The following IL18R1 variants were observed in gnomAD, a reference collection of about 807,000 sequenced individuals.
The protein encoded by IL18R1 is interleukin 18 receptor 1.
IL18R1 carries 40 observed loss-of-function variants against 48.5 expected under a neutral mutation model. The observed-to-expected ratio is 0.82, with a 90% confidence interval of 0.64 to 1.07. IL18R1 has a LOEUF of 1.07. Ranked by LOEUF, IL18R1 falls within the 50% of genes least tolerant of loss-of-function variation. The pLI is 0.00. For synonymous variants in IL18R1, 232 were observed against 225.9 expected (o/e 1.03, Z -0.24); for missense variants, 596 against 633.7 (o/e 0.94, Z 0.64).
At position 102,398,757 on chromosome 2, in the gene IL18R1, A is replaced by C. The variant is rs781197585; in HGVS notation, c.*1871A>C. On this transcript the variant is annotated 3_prime_UTR_variant, in exon 11 of 11. Transcript: ENST00000233957. ...TTTTAAAATGCATAAAACACGTTGA[A>C]ATACATTAATGAACCATTAGTCTAA... 3.3e-5 allele frequency: 5 copies of C among 152,370 alleles called. No individual in the cohort carries two copies. The highest frequency in any genetic ancestry group is 6.5e-5 in the Admixed American group (1 of 15,284). 9.4% of individuals were successfully genotyped at this position (152,370 alleles called of 1,614,324 possible). A position where few individuals can be genotyped will look rare whatever the true frequency, so the allele number is the denominator to read the frequency against.
At chr2:102,393,386 G>A (rs1025289390) in intron 9 of IL18R1, among the ~76,000 whole-genome samples, 6 of 152,180 alleles carry the variant, frequency 3.9e-5, no homozygotes, top group African/African-American at 1.4e-4. Flanking sequence ...ATGCAATTCT[G>A]CAAAGCAATT....
At chr2:102,387,936 A>G (rs1050040498) in intron 8 of IL18R1, among the ~76,000 whole-genome samples, 3 of 152,136 alleles carry the variant, frequency 2.0e-5, no homozygotes, top group Admixed American at 1.3e-4. Context: ...AGGGAGAGAC[A>G]CAGAGACAGA....
At chr2:102,377,582 C>T (rs544133390) in intron 5 of IL18R1, among the ~76,000 whole-genome samples, 3 of 152,368 alleles carry the variant, frequency 2.0e-5, no homozygotes, top group African/African-American at 7.2e-5. Context: ...TCCCAAAGTA[C>T]TGGGATTACA....
At chr2:102,392,385 A>T (rs917011322) in intron 9 of IL18R1, among the ~76,000 whole-genome samples, 3 of 152,106 alleles carry the variant, frequency 2.0e-5, no homozygotes, top group African/African-American at 7.2e-5. Flanking sequence ...TCTCTTTCTG[A>T]CTTTCTGGAG....
intron 6 of IL18R1, 23 bp from the exon 7 acceptor site, chr2:102,384,855 C>T (rs1349340620): frequency 3.1e-6 from 5 of 1,605,298 alleles, no homozygotes; most frequent in Non-Finnish European, 4.3e-6. Context: ...AAAATCAGAA[C>T]TTTAGTTGCC....
intron 8 of IL18R1, among the ~76,000 whole-genome samples, chr2:102,388,508 A>G (rs1344039538): frequency 3.3e-5 from 5 of 152,204 alleles, no homozygotes; most frequent in African/African-American, 1.2e-4. Context: ...TGGGGCTCAA[A>G]TCTTTGTTGG....
chr2:102,390,257 C>T (rs1680488563), intron 9 of IL18R1, 40 bp downstream of exon 9: 3 of 1,560,034 alleles, frequency 1.9e-6, no homozygotes, highest in African/African-American at 1.4e-5. Flanking sequence ...CTTATGTTCT[C>T]ATTAAGAAAT....
rs188794682 is a variant in IL18R1, at chr2:102,368,596, G to A, written c.302+528G>A. Among the ~76,000 whole-genome samples the A allele has an allele frequency of 4.9e-4, 75 of 152,240 alleles. 1 individual carries two copies. Among genetic ancestry groups the A allele is most frequent in the Admixed American group, 4.6e-3 (71 of 15,300 alleles). ...CAGCCAATCGCAACCCACAGCTGGC[G>A]GCAGTGAGAGAGGGCAACACGGAAG... On this transcript the variant is annotated intron_variant, in intron 3 of 10. Coordinates refer to ENST00000233957, the MANE Select transcript of IL18R1 (RefSeq NM_003855.5).
At chr2:102,377,265 G>A (rs1573208362) in intron 5 of IL18R1, among the ~76,000 whole-genome samples, 1 of 152,126 alleles carries the variant, frequency 6.6e-6, no homozygotes, top group East Asian at 1.9e-4. Flanking sequence ...TGCCAGAATT[G>A]CTTTACTTCT....
At chr2:102,389,711 C>G (rs542170078) in intron 8 of IL18R1, among the ~76,000 whole-genome samples, 1 of 152,354 alleles carries the variant, frequency 6.6e-6, no homozygotes, top group South Asian at 2.1e-4. Context: ...CACCTCAACC[C>G]ACTTGCTAAT....
intron 4 of IL18R1, among the ~76,000 whole-genome samples, chr2:102,374,729 G>A (rs957548474): frequency 6.6e-5 from 10 of 151,630 alleles, no homozygotes; most frequent in African/African-American, 2.4e-4. Flanking sequence ...AGCGAGCCGA[G>A]ACTGGGCCAC....
chr2:102,377,585 G>A (rs1679667139), intron 5 of IL18R1, among the ~76,000 whole-genome samples: 1 of 152,222 alleles, frequency 6.6e-6, no homozygotes, highest in Non-Finnish European at 1.5e-5. Context: ...CAAAGTACTG[G>A]GATTACAGGC....
chr2:102,367,117 A>G (rs1420019893), intron 2 of IL18R1, among the ~76,000 whole-genome samples: 3 of 152,208 alleles, frequency 2.0e-5, no homozygotes, highest in Non-Finnish European at 2.9e-5. Context: ...GAGGGGAACG[A>G]GCACCTATCC....
intron 4 of IL18R1, 151 bp downstream of exon 4, chr2:102,372,269 CT>C: frequency 1.7e-6 from 1 of 584,424 alleles, no homozygotes; most frequent in Non-Finnish European, 3.0e-6. Context: ...AGTATCCTCA[CT>C]GGCTTGTTGT....
At chr2:102,373,556 A>G (rs533635040) in intron 4 of IL18R1, among the ~76,000 whole-genome samples, 1 of 152,184 alleles carries the variant, frequency 6.6e-6, no homozygotes, top group African/African-American at 2.4e-5. Flanking sequence ...GCACGTGTAT[A>G]CCTATGTAAC....
At chr2:102,365,329 T>A (rs1214700830) in intron 2 of IL18R1, among the ~76,000 whole-genome samples, 1 of 152,230 alleles carries the variant, frequency 6.6e-6, no homozygotes, top group African/African-American at 2.4e-5. Flanking sequence ...ATGCAAGTTC[T>A]AAATTTAATA....
In IL18R1 at chr2:102,398,409, T is replaced by A. The variant is rs1680928391; in HGVS notation, c.*1523T>A. ...AAGCAGAGATTGTTTCAAATGGGTG[T>A]AGTAGATATTACTGAAAACCAAAAA... On this transcript the variant is annotated 3_prime_UTR_variant, in exon 11 of 11. Coordinates refer to ENST00000233957, the MANE Select transcript of IL18R1 (RefSeq NM_003855.5). 1 of 152,376 alleles carries A rather than the reference T, an allele frequency of 6.6e-6. No homozygotes were observed. The highest frequency in any genetic ancestry group is 2.4e-5 in the African/African-American group (1 of 41,458). 9.4% of individuals were successfully genotyped at this position (152,376 alleles called of 1,614,324 possible).
At chr2:102,394,185 TCTAAGG>T (rs1262403511) in intron 9 of IL18R1, among the ~76,000 whole-genome samples, 3 of 152,146 alleles carry the variant, frequency 2.0e-5, no homozygotes, top group Non-Finnish European at 4.4e-5. Context: ...CTCTTGGCCT[TCTAAGG>T]AACTTAAAGA....
intron 3 of IL18R1, among the ~76,000 whole-genome samples, chr2:102,368,874 A>AGTGT (rs1679070551): frequency 6.6e-6 from 1 of 152,116 alleles, no homozygotes; most frequent in Non-Finnish European, 1.5e-5. Flanking sequence ...TTTCTTTTAG[A>AGTGT]AGCACTTCTA....
Sources: allele counts gnomAD v4.1 joint callset (sites outside exome capture counted in the v4.1 genomes callset), GRCh38; gene constraint gnomAD v4.1.1; transcripts MANE v1.5; gene names NCBI Gene and HGNC (gene_info 2026-07-23, HGNC 2026-07-21).